Variants in CCNL2 observed in about 807,000 individuals in gnomAD.
CCNL2 encodes cyclin L2.
Under a neutral mutation model 59.1 loss-of-function variants are expected in CCNL2, and 28 were observed. The ratio of observed to expected loss-of-function variants is 0.47; its 90% CI spans 0.35 to 0.65. The LOEUF (loss-of-function observed/expected upper bound fraction) is 0.65, where lower values mean the gene tolerates loss of function less well. Ranked by LOEUF, CCNL2 falls within the 30% of genes least tolerant of loss-of-function variation. The pLI is 0.00. For synonymous variants in CCNL2, 342 were observed against 288.6 expected (o/e 1.19, Z -1.88); for missense variants, 714 against 717.4 (o/e 1.00, Z 0.05).
intron 5 of CCNL2, chr1:1,391,088 T>TTA: frequency 8.8e-7 from 1 of 1,142,510 alleles, no homozygotes. Context: ...ACAGAAATTA[T>TTA]TAGAAAAAAA....
chr1:1,392,468 A>G (rs1197894477), intron 5 of CCNL2: 10 of 1,231,564 alleles, frequency 8.1e-6, no homozygotes, highest in Admixed American at 8.1e-5. Context: ...TGTCTCTTCA[A>G]TTCTCACAGC....
chr1:1,394,147 C>A lies in CCNL2; in HGVS notation c.595-687G>T, dbSNP rs373094982. 1.2e-3 allele frequency among the ~76,000 whole-genome samples: 178 copies of A among 149,542 alleles called. 1 individual carries two copies. In the East Asian group the frequency reaches 0.027, roughly 22 times the overall value. On this transcript the variant is annotated intron_variant, in intron 4 of 10. Coordinates refer to ENST00000400809, the MANE Select transcript of CCNL2 (RefSeq NM_030937.6). ...CTCCAAAAAAAAAAAAAAAGCACTT[C>A]AATCTGTGGTGGGCAATTTGTGGAT... is the stretch of plus-strand genomic sequence containing the variant.
At chr1:1,392,829 A>T (rs1482894015) in intron 5 of CCNL2, 3 of 1,610,780 alleles carry the variant, frequency 1.9e-6, no homozygotes, top group Non-Finnish European at 2.5e-6. Flanking sequence ...TACAGAAAAG[A>T]AAAGTCAAAA....
chr1:1,398,415 A>G (rs1177138278), intron 2 of CCNL2, 73 bp from the exon 3 acceptor site: 3 of 1,602,674 alleles, frequency 1.9e-6, no homozygotes, highest in South Asian at 2.2e-5. Flanking sequence ...CAAAGGCTTG[A>G]GGGCTATTCA....
At chr1:1,396,685 T>A (rs1645048870) in intron 3 of CCNL2, among the ~76,000 whole-genome samples, 1 of 148,638 alleles carries the variant, frequency 6.7e-6, no homozygotes, top group African/African-American at 2.5e-5. Context: ...GTTCCAGCGA[T>A]TCTCCTGCCT....
rs371443797 is a variant in CCNL2, at chr1:1,390,903, C to T, written c.660-38G>A. ...CACAGGAAGAACTGCAATGCCCCACCCGGGAACCCAGGTCTTCCGCCTGCA... is the reference window on the plus strand; with the variant it reads ...CACAGGAAGAACTGCAATGCCCCACTCGGGAACCCAGGTCTTCCGCCTGCA... On this transcript the variant is annotated intron_variant, in intron 5 of 10. Coordinates refer to ENST00000400809, the MANE Select transcript of CCNL2 (RefSeq NM_030937.6). 4 of 1,549,616 alleles carry T rather than the reference C, an allele frequency of 2.6e-6. No homozygotes were observed. The East Asian group carries it at 9.0e-5, about 35-fold the overall frequency.
In CCNL2 at chr1:1,386,330, A is replaced by G. The variant is rs1644454306; in HGVS notation, c.*901T>C. 6.6e-6 allele frequency: 1 copy of G among 152,284 alleles called. No individual in the cohort carries two copies. The highest frequency in any genetic ancestry group is 2.4e-5 in the African/African-American group (1 of 41,466). The allele number at this position is 152,284 out of a possible 1,614,324, so 9.4% of individuals were successfully genotyped here. A position where few individuals can be genotyped will look rare whatever the true frequency, so the allele number is the denominator to read the frequency against. On this transcript the variant is annotated 3_prime_UTR_variant, in exon 11 of 11. Coordinates refer to ENST00000400809, the MANE Select transcript of CCNL2 (RefSeq NM_030937.6). ...GGGCAGAGGACTCAGGCCCCTCACA[A>G]GCCTTCGGCAGAAGGGCAGGCACAC... is the stretch of plus-strand genomic sequence containing the variant.
At chr1:1,398,882 T>C in intron 1 of CCNL2, 137 bp downstream of exon 1, 1 of 1,298,762 alleles carries the variant, frequency 7.7e-7, no homozygotes, top group Non-Finnish European at 9.8e-7. Flanking sequence ...GGCTAGGGAA[T>C]GGCGCCGAGG....
chr1:1,391,495 G>C, intron 5 of CCNL2: 2 of 1,295,474 alleles, frequency 1.5e-6, no homozygotes, highest in African/African-American at 3.1e-5. Context: ...GCATCGTGCG[G>C]AGGGAGACTC....
chr1:1,399,298 C>T lies in CCNL2; in HGVS notation c.9G>A (p.Ala3=). 2 of 1,450,938 alleles carry T rather than the reference C, an allele frequency of 1.4e-6. No homozygotes were observed. The highest frequency in any genetic ancestry group is 1.8e-6 in the Non-Finnish European group (2 of 1,109,404). 89.9% of individuals were successfully genotyped at this position (1,450,938 alleles called of 1,614,324 possible). A position where few individuals can be genotyped will look rare whatever the true frequency, so the allele number is the denominator to read the frequency against. The part of the protein sequence containing the change: MA[A]AAAAAGAAGS... ...CTGCAGCACCAGCCGCCGCCGCCGC[C>T]GCCGCCATTTTGTGCCGCCGACTCC... Residue 3 remains alanine (A), a synonymous_variant, in exon 1 of 11, where the codon GCG becomes GCA. Transcript: ENST00000400809.
chr1:1,390,177 T>A, intron 8 of CCNL2, 53 bp downstream of exon 8: 1 of 1,483,610 alleles, frequency 6.7e-7, no homozygotes. Flanking sequence ...CGGGGGAGAG[T>A]CACCAGTCTT....
In CCNL2 at chr1:1,385,977, A is replaced by C. The variant is rs1235037585; in HGVS notation, c.*1254T>G. The C allele has an allele frequency of 6.6e-6, 1 of 151,750 alleles. No homozygotes were observed. The highest frequency in any genetic ancestry group is 1.5e-5 in the Non-Finnish European group (1 of 67,972). The allele number at this position is 151,750 out of a possible 1,614,324, so 9.4% of individuals were successfully genotyped here. On this transcript the variant is annotated 3_prime_UTR_variant, in exon 11 of 11. Coordinates refer to ENST00000400809, the MANE Select transcript of CCNL2 (RefSeq NM_030937.6). ...TCCATCAAAAAAGTCATCAGGCGTA[A>C]CTCCCCGTTATCCCACTAGCCCCGG... is the stretch of plus-strand genomic sequence containing the variant.
intron 4 of CCNL2, among the ~76,000 whole-genome samples, chr1:1,393,729 C>T (rs1644865809): frequency 6.6e-6 from 1 of 152,266 alleles, no homozygotes; most frequent in African/African-American, 2.4e-5. Flanking sequence ...TCATTCTAGT[C>T]TTCAATGCCT....
At position 1,387,227 on chromosome 1, in the gene CCNL2, C is replaced by T. The variant is rs113811513; in HGVS notation, c.*4G>A. ...TTGCGGCCACCAGTCACTGCAACCC[C>T]GCCTCACCTCCGATGCCTGCTGTGC... is the stretch of plus-strand genomic sequence containing the variant. On this transcript the variant is annotated 3_prime_UTR_variant, in exon 11 of 11. Coordinates refer to ENST00000400809, the MANE Select transcript of CCNL2 (RefSeq NM_030937.6). 1.9e-3 allele frequency: 3,086 copies of T among 1,596,080 alleles called. 48 individuals are homozygous for T. In the African/African-American group the frequency reaches 0.03, roughly 15 times the overall value.
intron 4 of CCNL2, among the ~76,000 whole-genome samples, chr1:1,394,829 T>G (rs1195467212): frequency 7.0e-6 from 1 of 142,014 alleles, no homozygotes; most frequent in Non-Finnish European, 1.5e-5. Flanking sequence ...GAGGCCAAGG[T>G]GGGAGGATCA....
intron 1 of CCNL2, 164 bp downstream of exon 1, chr1:1,398,855 G>A: frequency 7.3e-7 from 1 of 1,375,758 alleles, no homozygotes; most frequent in Non-Finnish European, 9.7e-7. Context: ...GGAGGCCCCG[G>A]GTCAGGGGCA....
At chr1:1,388,581 C>CTA (rs1259930012) in intron 8 of CCNL2, 5 of 377,954 alleles carry the variant, frequency 1.3e-5, no homozygotes, top group Middle Eastern at 7.6e-4. Flanking sequence ...CTCTCTCTCT[C>CTA]TCTATATATA....
intron 5 of CCNL2, chr1:1,392,855 AC>A: frequency 6.3e-7 from 1 of 1,574,922 alleles, no homozygotes; most frequent in Non-Finnish European, 8.7e-7. Flanking sequence ...TCTCTATTAA[AC>A]ATGTCATAGC....
In CCNL2 at chr1:1,385,769, A is replaced by C. The variant is rs1420293350; in HGVS notation, c.*1462T>G. 1 of 152,230 alleles carries C rather than the reference A, an allele frequency of 6.6e-6. No homozygotes were observed. Among genetic ancestry groups the C allele is most frequent in the Non-Finnish European group, 1.5e-5 (1 of 68,040 alleles). The allele number at this position is 152,230 out of a possible 1,614,324, so 9.4% of individuals were successfully genotyped here. A position where few individuals can be genotyped will look rare whatever the true frequency, so the allele number is the denominator to read the frequency against. On this transcript the variant is annotated 3_prime_UTR_variant, in exon 11 of 11. Transcript: ENST00000400809. The stretch of plus-strand genomic sequence containing the variant: ...TTTTACAATTATTTAGTAAAAAAAG[A>C]AAGCAAATGGAGAGCGGTCTCTTGG...
Sources: allele counts gnomAD v4.1 joint callset (sites outside exome capture counted in the v4.1 genomes callset), GRCh38; gene constraint gnomAD v4.1.1; transcripts MANE v1.5; gene names NCBI Gene and HGNC (gene_info 2026-07-23, HGNC 2026-07-21).